The following ACTR3C variants were observed in gnomAD, a reference collection of about 807,000 sequenced individuals.
ACTR3C encodes actin related protein 3C.
ACTR3C carries 18 observed loss-of-function variants against 26.3 expected under a neutral mutation model. That is an observed-to-expected ratio of 0.68 (90% CI 0.47 to 1.01). The LOEUF is 1.01. Among genes scored for constraint, ACTR3C ranks in the 50% least tolerant of loss-of-function variants. The pLI, the probability that ACTR3C is intolerant of heterozygous loss-of-function variation, is 0.00. For synonymous variants in ACTR3C, 55 were observed against 94.5 expected, an observed-to-expected ratio of 0.58 and a Z score of 2.42; for missense variants, 184 against 250.7, an observed-to-expected ratio of 0.73 and a Z score of 1.80.
chr7:150,003,945 G>T, the ACTR3C span, among the ~76,000 whole-genome samples: 2 of 151,706 alleles, frequency 1.3e-5, no homozygotes, highest in African/African-American at 4.8e-5. Context: ...GTGGCATGTG[G>T]TGTGTTATGT....
chr7:150,088,093 G>A, the ACTR3C span, among the ~76,000 whole-genome samples: 1 of 152,166 alleles, frequency 6.6e-6, no homozygotes, highest in Non-Finnish European at 1.5e-5. Context: ...TCTCTTGTCA[G>A]ATATTCAATT....
At chr7:150,178,660 G>A in the ACTR3C span, among the ~76,000 whole-genome samples, 1 of 150,654 alleles carries the variant, frequency 6.6e-6, no homozygotes, top group Non-Finnish European at 1.5e-5. Context: ...AGTTATGGCA[G>A]TATGAACTCC....
At chr7:150,010,708 A>AT in the ACTR3C span, among the ~76,000 whole-genome samples, 2 of 151,634 alleles carry the variant, frequency 1.3e-5, no homozygotes, top group Non-Finnish European at 2.9e-5. Context: ...AAAAAAAAAA[A>AT]AAAATAAGCT....
chr7:149,966,729 C>T, the ACTR3C span, among the ~76,000 whole-genome samples: 1 of 152,218 alleles, frequency 6.6e-6, no homozygotes, highest in East Asian at 1.9e-4. Flanking sequence ...AAAGTTCTGC[C>T]TTCTAGGACA....
At chr7:150,055,044 C>G in the ACTR3C span, among the ~76,000 whole-genome samples, 1 of 152,244 alleles carries the variant, frequency 6.6e-6, no homozygotes, top group Non-Finnish European at 1.5e-5. Context: ...TTAGAAACCA[C>G]TAGCTTGCAA....
At chr7:150,254,181 T>A (rs1241850230) in intron 6 of ACTR3C, among the ~76,000 whole-genome samples, 1 of 152,098 alleles carries the variant, frequency 6.6e-6, no homozygotes, top group African/African-American at 2.4e-5. Flanking sequence ...TACCCCTCTT[T>A]AGAGATACCC....
At chr7:150,180,805 T>C in the ACTR3C span, among the ~76,000 whole-genome samples, 75,996 of 136,714 alleles carry the variant, frequency 0.56, 16,683 homozygotes, top group East Asian at 0.75. Flanking sequence ...CCACTGTGCC[T>C]GGCCAGTAGT....
chr7:150,037,822 A>C, the ACTR3C span, among the ~76,000 whole-genome samples: 1 of 48,986 alleles, frequency 2.0e-5, no homozygotes, highest in African/African-American at 7.8e-5. Flanking sequence ...AGGGACTGGC[A>C]CTCAGTCCCT....
the ACTR3C span, among the ~76,000 whole-genome samples, chr7:149,899,139 CA>C: frequency 6.6e-6 from 1 of 151,568 alleles, no homozygotes; most frequent in Non-Finnish European, 1.5e-5. Flanking sequence ...TGCTAAAACA[CA>C]AAATTAAAAT....
At chr7:150,024,938 A>C in the ACTR3C span, among the ~76,000 whole-genome samples, 60 of 152,102 alleles carry the variant, frequency 3.9e-4, no homozygotes, top group Non-Finnish European at 6.9e-4. Flanking sequence ...AGCAAAGCGC[A>C]GGCGGCTTTG....
At chr7:150,060,051 T>C in the ACTR3C span, among the ~76,000 whole-genome samples, 1 of 152,244 alleles carries the variant, frequency 6.6e-6, no homozygotes, top group African/African-American at 2.4e-5. Flanking sequence ...CCTTCTGGAA[T>C]TGCATATGGG....
At chr7:150,239,152 C>G (rs1832033750), downstream of ACTR3C, among the ~76,000 whole-genome samples, 1 of 151,870 alleles carries the variant, frequency 6.6e-6, no homozygotes, top group South Asian at 2.1e-4. Flanking sequence ...TTCAGGCACG[C>G]TGGCTGCTTC....
the ACTR3C span, among the ~76,000 whole-genome samples, chr7:150,075,630 C>T: frequency 0.012 from 1,857 of 152,220 alleles, 45 homozygotes; most frequent in African/African-American, 0.043. Context: ...AAAAATCAGG[C>T]CTTTTGGACA....
chr7:150,010,064 C>G, the ACTR3C span, among the ~76,000 whole-genome samples: 3 of 152,372 alleles, frequency 2.0e-5, no homozygotes, highest in South Asian at 2.1e-4. Flanking sequence ...GTGCTGACAC[C>G]TGCTCGGCTT....
the ACTR3C span, among the ~76,000 whole-genome samples, chr7:150,151,553 G>C: frequency 1.5e-5 from 2 of 136,476 alleles, no homozygotes; most frequent in African/African-American, 5.0e-5. Context: ...ATCTCTGTCT[G>C]AATTTGTTTT....
the ACTR3C span, among the ~76,000 whole-genome samples, chr7:150,136,741 C>A: frequency 6.6e-6 from 1 of 152,008 alleles, no homozygotes; most frequent in Non-Finnish European, 1.5e-5. Context: ...GTTCAGGAAG[C>A]AGTAGACGAC....
chr7:149,981,354 C>A, the ACTR3C span, among the ~76,000 whole-genome samples: 2 of 151,920 alleles, frequency 1.3e-5, no homozygotes, highest in East Asian at 3.9e-4. Context: ...CATCAGGGCC[C>A]TATAACACTA....
the ACTR3C span, among the ~76,000 whole-genome samples, chr7:149,985,439 C>A: frequency 6.6e-6 from 1 of 152,142 alleles, no homozygotes; most frequent in Admixed American, 6.5e-5. Flanking sequence ...ATCTGCCATG[C>A]ACTTCTAGAA....
chr7:150,081,722 G>T, the ACTR3C span, among the ~76,000 whole-genome samples: 1 of 151,056 alleles, frequency 6.6e-6, no homozygotes, highest in East Asian at 1.9e-4. Flanking sequence ...TTGCACTAAG[G>T]GCTGTACTTA....
Sources: allele counts gnomAD v4.1 joint callset (sites outside exome capture counted in the v4.1 genomes callset), GRCh38; gene constraint gnomAD v4.1.1; transcripts MANE v1.5; gene names NCBI Gene and HGNC (gene_info 2026-07-23, HGNC 2026-07-21).